Variants in MYO5A observed in about 807,000 individuals in gnomAD.
MYO5A encodes unconventional myosin-Va.
MYO5A carries 98 observed loss-of-function variants against 249.7 expected under a neutral mutation model. The observed-to-expected ratio is 0.39, with a 90% CI of 0.33 to 0.46. The LOEUF is 0.46. Among genes scored for constraint, MYO5A ranks in the 20% least tolerant of loss-of-function variants. The pLI, the probability that MYO5A is intolerant of heterozygous loss-of-function variation, is 0.98. For missense variants in MYO5A, 1,696 were observed against 2,308.8 expected, an observed-to-expected ratio of 0.73 and a Z score of 5.44; for synonymous variants, 778 against 810.6, an observed-to-expected ratio of 0.96 and a Z score of 0.68.
In MYO5A at chr15:52,314,219, T is replaced by C; in HGVS notation, c.5410-16A>G. 3 of 1,584,588 alleles carry C rather than the reference T, an allele frequency of 1.9e-6. No individual in the cohort carries two copies. Among genetic ancestry groups the C allele is most frequent in the Non-Finnish European group, 2.6e-6 (3 of 1,153,560 alleles). On this transcript the variant is annotated splice_polypyrimidine_tract_variant and intron_variant, in intron 40 of 41. Transcript: ENST00000399233. ...CTTTCACAATCTGTGAGAAATGAAA[T>C]GATCAAAGTTTTTGGCATATTATCA...
chr15:52,507,800 TCC>T (rs774682773), intron 1 of MYO5A, among the ~76,000 whole-genome samples: 2 of 79,222 alleles, frequency 2.5e-5, no homozygotes, highest in African/African-American at 1.3e-4. Flanking sequence ...TGAGACCCTG[TCC>T]CCAAAAAAAA....
intron 38 of MYO5A, among the ~76,000 whole-genome samples, chr15:52,320,338 C>G (rs756144571): frequency 2.6e-5 from 4 of 152,180 alleles, no homozygotes; most frequent in African/African-American, 9.7e-5. Flanking sequence ...TCCCTAGAAC[C>G]GGCATGTTTG....
intron 1 of MYO5A, among the ~76,000 whole-genome samples, chr15:52,520,059 C>A (rs2077585197): frequency 6.6e-6 from 1 of 152,086 alleles, no homozygotes; most frequent in Non-Finnish European, 1.5e-5. Context: ...CAAAATGATT[C>A]TCTAGGGGAA....
At chr15:52,490,947 C>T (rs1167363330) in intron 1 of MYO5A, among the ~76,000 whole-genome samples, 1 of 152,008 alleles carries the variant, frequency 6.6e-6, no homozygotes, top group African/African-American at 2.4e-5. Flanking sequence ...TCTTGAACTC[C>T]TGCGCTCAAG....
intron 14 of MYO5A, 86 bp downstream of exon 14, chr15:52,387,743 G>C: frequency 9.1e-7 from 1 of 1,094,786 alleles, no homozygotes; most frequent in South Asian, 1.3e-5. Context: ...AACTGAAACA[G>C]ATTTTTGTTA....
At chr15:52,322,352 C>A (rs1476381779) in intron 37 of MYO5A, among the ~76,000 whole-genome samples, 2 of 152,240 alleles carry the variant, frequency 1.3e-5, no homozygotes, top group Non-Finnish European at 2.9e-5. Flanking sequence ...TCAGGAAGTG[C>A]CGCTGGGCAC....
At chr15:52,382,068 A>G (rs893704735) in intron 16 of MYO5A, among the ~76,000 whole-genome samples, 1 of 151,858 alleles carries the variant, frequency 6.6e-6, no homozygotes, top group African/African-American at 2.4e-5. Flanking sequence ...ACACCCGGCT[A>G]ATTTTTGTAC....
At chr15:52,374,507 G>GCCTTTGCA (rs2041297522) in intron 20 of MYO5A, among the ~76,000 whole-genome samples, 1 of 152,208 alleles carries the variant, frequency 6.6e-6, no homozygotes, top group Admixed American at 6.5e-5. Context: ...TTAGGTTAAG[G>GCCTTTGCA]GTCTTCAGAT....
intron 1 of MYO5A, among the ~76,000 whole-genome samples, chr15:52,465,815 A>G (rs1022046642): frequency 7.9e-5 from 12 of 152,194 alleles, no homozygotes; most frequent in African/African-American, 2.9e-4. Flanking sequence ...TAGTGTGTAG[A>G]CAATCATACT....
chr15:52,480,614 G>A (rs1203311715), intron 1 of MYO5A, among the ~76,000 whole-genome samples: 1 of 152,148 alleles, frequency 6.6e-6, no homozygotes, highest in Non-Finnish European at 1.5e-5. Context: ...TGCACAAATG[G>A]CAAGAGGAAA....
At chr15:52,321,283 T>G in intron 38 of MYO5A, 76 bp downstream of exon 38, 1 of 1,579,036 alleles carries the variant, frequency 6.3e-7, no homozygotes, top group Non-Finnish European at 8.7e-7. Context: ...CCCTGAAACA[T>G]GTGCCACTGG....
upstream of MYO5A, chr15:52,528,923 G>A (rs978699668): frequency 1.1e-5 from 10 of 945,980 alleles, no homozygotes; most frequent in South Asian, 5.0e-5. Context: ...GGCAGGGCAG[G>A]GCCGGGCGGG....
At chr15:52,376,656 C>T in intron 18 of MYO5A, 98 bp from the exon 19 acceptor site, 1 of 1,174,052 alleles carries the variant, frequency 8.5e-7, no homozygotes, top group Non-Finnish European at 1.2e-6. Flanking sequence ...AGGAATGACT[C>T]TATTAGCTAA....
intron 2 of MYO5A, among the ~76,000 whole-genome samples, chr15:52,429,280 A>G (rs11637247): frequency 0.98 from 148,952 of 152,330 alleles, 72,921 homozygotes; most frequent in South Asian, 1. Flanking sequence ...TAGGCCGGAC[A>G]CAGTGGCTCA....
At chr15:52,442,841 C>A (rs931876310) in intron 1 of MYO5A, among the ~76,000 whole-genome samples, 1 of 151,888 alleles carries the variant, frequency 6.6e-6, no homozygotes, top group South Asian at 2.1e-4. Flanking sequence ...CTGCAACCTC[C>A]ACCTCCCAGG....
chr15:52,415,307 G>T (rs112654216), intron 5 of MYO5A, among the ~76,000 whole-genome samples: 14 of 152,144 alleles, frequency 9.2e-5, no homozygotes, highest in African/African-American at 3.4e-4. Flanking sequence ...TTTAACAAAA[G>T]TAATTTTTCT....
Position 52,312,978 on chromosome 15 carries a change from T to C in MYO5A, c.*718A>G, listed in dbSNP as rs1466061851. The C allele has an allele frequency of 6.5e-6, 1 of 152,710 alleles. No homozygotes were observed. Among genetic ancestry groups the C allele is most frequent in the Non-Finnish European group, 1.5e-5 (1 of 68,086 alleles). The allele number at this position is 152,710 out of a possible 1,614,324, so 9.5% of individuals were successfully genotyped here. A position where few individuals can be genotyped will look rare whatever the true frequency, so the allele number is the denominator to read the frequency against. On this transcript the variant is annotated 3_prime_UTR_variant, in exon 42 of 42. Coordinates refer to ENST00000399233, the MANE Select transcript of MYO5A (RefSeq NM_001382347.1). ...ATATAATCCAGTTAAAACTGTGATC[T>C]GATTGAATTGTAAACAGAATTGACA...
intron 4 of MYO5A, among the ~76,000 whole-genome samples, chr15:52,419,122 ACT>A (rs2043665149): frequency 6.6e-6 from 1 of 152,154 alleles, no homozygotes; most frequent in Non-Finnish European, 1.5e-5. Context: ...GTTGATGTTA[ACT>A]CTCTGATAAC....
At position 52,505,437 on chromosome 15, in the gene MYO5A, T is replaced by A. The variant is rs1483963453; in HGVS notation, c.27+23343A>T. The stretch of plus-strand genomic sequence containing the variant: ...CTTTGGGCAAGTATGGTCCTGCAGA[T>A]GTGGAAGACACTACAGGAAGTGGAG... On this transcript the variant is annotated intron_variant, in intron 1 of 41. Transcript: ENST00000399233. 3 of 869,534 alleles carry A rather than the reference T, an allele frequency of 3.5e-6. No individual in the cohort carries two copies. The Admixed American group carries it at 5.1e-5, about 15-fold the overall frequency. 53.9% of individuals were successfully genotyped at this position (869,534 alleles called of 1,614,324 possible).
Sources: allele counts gnomAD v4.1 joint callset (sites outside exome capture counted in the v4.1 genomes callset), GRCh38; gene constraint gnomAD v4.1.1; transcripts MANE v1.5; gene names NCBI Gene and HGNC (gene_info 2026-07-23, HGNC 2026-07-21).